LRRC40: variants seen among roughly 807,000 people sequenced by gnomAD.
LRRC40 encodes leucine-rich repeat-containing protein 40.
LRRC40 carries 76 observed loss-of-function variants against 72.8 expected under a neutral mutation model. The observed-to-expected ratio is 1.04, with a 90% CI of 0.87 to 1.26. The LOEUF (loss-of-function observed/expected upper bound fraction) is 1.26, where lower values mean the gene tolerates loss of function less well. Among genes scored for constraint, LRRC40 ranks in the 50% most tolerant of loss-of-function variants. The pLI, the probability that LRRC40 is intolerant of heterozygous loss-of-function variation, is 0.00. For missense variants in LRRC40, 684 were observed against 698.9 expected (o/e 0.98, Z 0.24); for synonymous variants, 243 against 254.2 (o/e 0.96, Z 0.42).
intron 1 of LRRC40, among the ~76,000 whole-genome samples, chr1:70,195,850 G>A (rs1668596501): frequency 6.6e-6 from 1 of 152,090 alleles, no homozygotes; most frequent in Non-Finnish European, 1.5e-5. Context: ...TGGCCAGGCT[G>A]GTCTCGAACT....
intron 5 of LRRC40, 117 bp downstream of exon 5, chr1:70,180,969 T>C (rs1191175657): frequency 1.4e-6 from 1 of 706,218 alleles, no homozygotes; most frequent in South Asian, 2.9e-5. Context: ...ATTGTTTGCA[T>C]TTACCACTAT....
At chr1:70,172,953 T>A (rs951556710) in intron 9 of LRRC40, among the ~76,000 whole-genome samples, 2 of 152,082 alleles carry the variant, frequency 1.3e-5, no homozygotes, top group Admixed American at 1.3e-4. Flanking sequence ...AAATTGGGTA[T>A]ATGACATGTT....
intron 4 of LRRC40, 111 bp from the exon 5 acceptor site, chr1:70,181,320 C>CTTAA: frequency 1.8e-6 from 1 of 558,022 alleles, no homozygotes; most frequent in Non-Finnish European, 3.0e-6. Context: ...AAAGAGACTA[C>CTTAA]TTAAGATGTG....
intron 9 of LRRC40, among the ~76,000 whole-genome samples, chr1:70,164,089 T>TA (rs1667825490): frequency 6.6e-6 from 1 of 152,160 alleles, no homozygotes; most frequent in African/African-American, 2.4e-5. Flanking sequence ...CCTTTTTTTA[T>TA]AAGAGTGCCA....
chr1:70,192,012 A>C (rs1188028227), intron 1 of LRRC40, among the ~76,000 whole-genome samples: 1 of 152,062 alleles, frequency 6.6e-6, no homozygotes, highest in African/African-American at 2.4e-5. Flanking sequence ...GAAGAATGTC[A>C]TTGGTAGTTT....
At chr1:70,183,252 T>C (rs1358215102) in intron 4 of LRRC40, among the ~76,000 whole-genome samples, 1 of 151,036 alleles carries the variant, frequency 6.6e-6, no homozygotes, top group South Asian at 2.1e-4. Flanking sequence ...ATGACAGGAG[T>C]TTTCCAAAAC....
rs771437135 is a variant in LRRC40, at chr1:70,205,565, T to A, written c.-25A>T. 6 of 1,567,962 alleles carry A rather than the reference T, an allele frequency of 3.8e-6. No homozygotes were observed. The highest frequency in any genetic ancestry group is 3.4e-5 in the South Asian group (3 of 87,588). On this transcript the variant is annotated 5_prime_UTR_variant, in exon 1 of 15. Coordinates refer to ENST00000370952, the MANE Select transcript of LRRC40 (RefSeq NM_017768.5). ...TGTTCAAAGTCCTAGGTCCAGAAGCTGCAGCCCCACCCGTGACGCTTAAAG... is the reference window on the plus strand; with the variant it reads ...TGTTCAAAGTCCTAGGTCCAGAAGCAGCAGCCCCACCCGTGACGCTTAAAG...
At chr1:70,184,231 G>A (rs1033640461) in intron 4 of LRRC40, among the ~76,000 whole-genome samples, 2 of 152,120 alleles carry the variant, frequency 1.3e-5, no homozygotes, top group Non-Finnish European at 1.5e-5. Flanking sequence ...CTGGGTGACA[G>A]GGTAAGACCA....
rs971492543 is a variant in LRRC40 at position 70,155,669 on chromosome 1, C to T, written c.1328+20G>A. ...AACAGAATGAGTCACAACCTATAGA[C>T]ATGGCATCATAGTTCTTACCTTTTT... On this transcript the variant is annotated intron_variant, in intron 11 of 14. Coordinates refer to ENST00000370952, the MANE Select transcript of LRRC40 (RefSeq NM_017768.5). The T allele has an allele frequency of 2.2e-5, 25 of 1,155,964 alleles. No individual in the cohort carries two copies. Among genetic ancestry groups the T allele is most frequent in the Non-Finnish European group, 2.5e-5 (20 of 810,992 alleles). The allele number at this position is 1,155,964 out of a possible 1,614,324, so 71.6% of individuals were successfully genotyped here. A position where few individuals can be genotyped will look rare whatever the true frequency, so the allele number is the denominator to read the frequency against.
At chr1:70,201,435 G>T (rs1203248353) in intron 1 of LRRC40, among the ~76,000 whole-genome samples, 2 of 151,962 alleles carry the variant, frequency 1.3e-5, no homozygotes, top group Non-Finnish European at 2.9e-5. Flanking sequence ...TTTAAGAATC[G>T]CAACCAAAAA....
chr1:70,155,319 C>T (rs1024396533), intron 11 of LRRC40, among the ~76,000 whole-genome samples: 4 of 151,930 alleles, frequency 2.6e-5, no homozygotes, highest in Admixed American at 6.6e-5. Context: ...TCCACATGGA[C>T]CTGATGTTAG....
At chr1:70,158,833 T>G (rs1667695757) in intron 10 of LRRC40, among the ~76,000 whole-genome samples, 1 of 152,156 alleles carries the variant, frequency 6.6e-6, no homozygotes, top group Admixed American at 6.5e-5. Context: ...TGGATGCTGA[T>G]TACTGAGTCA....
At chr1:70,179,081 C>A in intron 5 of LRRC40, 88 bp from the exon 6 acceptor site, 1 of 678,050 alleles carries the variant, frequency 1.5e-6, no homozygotes, top group South Asian at 3.8e-5. Context: ...TGTAAGAAAT[C>A]GCTATGAGGA....
At chr1:70,188,343 C>CA (rs1401962713) in intron 2 of LRRC40, among the ~76,000 whole-genome samples, 2 of 152,006 alleles carry the variant, frequency 1.3e-5, no homozygotes, top group Admixed American at 6.5e-5. Context: ...AATAAAAACA[C>CA]AAAAAAATTA....
chr1:70,204,715 C>T (rs960061064), intron 1 of LRRC40, among the ~76,000 whole-genome samples: 5 of 147,486 alleles, frequency 3.4e-5, no homozygotes, highest in Non-Finnish European at 7.4e-5. Flanking sequence ...TCTCTCCATT[C>T]CCCTCCCTCT....
intron 4 of LRRC40, among the ~76,000 whole-genome samples, chr1:70,181,846 T>C (rs185059589): frequency 1.3e-5 from 2 of 152,188 alleles, no homozygotes; most frequent in African/African-American, 4.8e-5. Flanking sequence ...TTGCTTTTTC[T>C]TTAAATAGTT....
chr1:70,177,387 G>A (rs958636853), intron 6 of LRRC40, among the ~76,000 whole-genome samples: 2 of 152,288 alleles, frequency 1.3e-5, no homozygotes, highest in African/African-American at 2.4e-5. Context: ...GCCACTTCTT[G>A]TTGGTACTGT....
intron 1 of LRRC40, 149 bp downstream of exon 1, chr1:70,205,241 G>C (rs561638919): frequency 5.6e-6 from 4 of 711,136 alleles, no homozygotes; most frequent in African/African-American, 1.8e-5. Context: ...CAAACCGGTC[G>C]AAATGAGCAC....
chr1:70,151,328 C>A, intron 12 of LRRC40, 123 bp from the exon 13 acceptor site: 1 of 618,276 alleles, frequency 1.6e-6, no homozygotes, highest in South Asian at 2.0e-5. Flanking sequence ...CTTGATCTGA[C>A]TTTATAAAGG....
Sources: allele counts gnomAD v4.1 joint callset (sites outside exome capture counted in the v4.1 genomes callset), GRCh38; gene constraint gnomAD v4.1.1; transcripts MANE v1.5; gene names NCBI Gene and HGNC (gene_info 2026-07-23, HGNC 2026-07-21).